FAT3: variants seen among roughly 807,000 people sequenced by gnomAD.
FAT3 encodes FAT atypical cadherin 3.
A neutral mutation model predicts 310.2 loss-of-function variants in FAT3; 95 were observed. That is an observed-to-expected ratio of 0.31 (90% CI 0.26 to 0.36). The LOEUF is 0.36. Among genes scored for constraint, FAT3 ranks in the 10% least tolerant of loss-of-function variants. FAT3 has a pLI of 1.00. For synonymous variants in FAT3, 2,314 were observed against 2,192.9 expected, an observed-to-expected ratio of 1.06 and a Z score of -1.54; for missense variants, 5,408 against 5,715.6, an observed-to-expected ratio of 0.95 and a Z score of 1.74.
intron 3 of FAT3, among the ~76,000 whole-genome samples, chr11:92,622,177 G>A (rs1015241635): frequency 2.6e-5 from 4 of 151,866 alleles, no homozygotes; most frequent in East Asian, 3.9e-4. Flanking sequence ...CCAGCTAGTC[G>A]GGAGACTGAG....
intron 1 of FAT3, among the ~76,000 whole-genome samples, chr11:92,340,399 C>T (rs547543496): frequency 5.9e-5 from 9 of 152,292 alleles, no homozygotes; most frequent in Non-Finnish European, 1.2e-4. Context: ...GTTGTTCTCT[C>T]ATTCACCTCA....
At chr11:92,584,037 A>G (rs1490349453) in intron 3 of FAT3, among the ~76,000 whole-genome samples, 1 of 152,018 alleles carries the variant, frequency 6.6e-6, no homozygotes, top group Non-Finnish European at 1.5e-5. Flanking sequence ...ACCTCAGGCA[A>G]GTTTCATAAA....
At chr11:92,600,068 C>T (rs1483064500) in intron 3 of FAT3, among the ~76,000 whole-genome samples, 1 of 152,150 alleles carries the variant, frequency 6.6e-6, no homozygotes. Context: ...CTCTTTGCAT[C>T]CCCTCTATGA....
At chr11:92,753,394 C>G (rs1461459609) in intron 4 of FAT3, among the ~76,000 whole-genome samples, 1 of 152,128 alleles carries the variant, frequency 6.6e-6, no homozygotes, top group Non-Finnish European at 1.5e-5. Context: ...TATTTTAAGT[C>G]ACATAATTTT....
chr11:92,353,065 G>A lies in FAT3; in HGVS notation c.953G>A (p.Gly318Glu), dbSNP rs1241267664. 6.2e-7 allele frequency: 1 copy of A among 1,613,704 alleles called. No homozygotes were observed. The highest frequency in any genetic ancestry group is 1.7e-5 in the Admixed American group (1 of 59,910). Residue 318 changes from glycine (G) to glutamate (E), a missense_variant, in exon 2 of 28, where the codon GGA becomes GAA. Around this residue, in one of 5 missense-constraint regions of FAT3, gnomAD observed 4,588 missense variants for 4,809.8 expected, o/e 0.95. Transcript: ENST00000525166. Reference protein sequence around the residue: ...PLDQFFLAKEGKWLNEYKIKE... With the variant: ...PLDQFFLAKEEKWLNEYKIKE... ...GATCAGTTCTTCCTGGCTAAGGAAGGAAAGTGGTTGAATGAGTACAAGATT... is the reference window on the plus strand; with the variant it reads ...GATCAGTTCTTCCTGGCTAAGGAAGAAAAGTGGTTGAATGAGTACAAGATT...
At chr11:92,671,663 AT>A (rs1436338470) in intron 3 of FAT3, among the ~76,000 whole-genome samples, 1 of 152,096 alleles carries the variant, frequency 6.6e-6, no homozygotes, top group South Asian at 2.1e-4. Context: ...TTGTGCACTT[AT>A]TTGTTTAACA....
intron 1 of FAT3, among the ~76,000 whole-genome samples, chr11:92,267,760 T>C (rs1467346892): frequency 1.1e-4 from 16 of 152,170 alleles, no homozygotes. Context: ...TTGCTTATCA[T>C]TATTTATTTG....
intron 16 of FAT3, among the ~76,000 whole-genome samples, chr11:92,837,341 G>T (rs555565790): frequency 5.7e-4 from 87 of 152,266 alleles, no homozygotes; most frequent in African/African-American, 2.0e-3. Context: ...TACTAACCAG[G>T]GTGGTTTTGT....
chr11:92,347,152 A>G (rs890629911), intron 1 of FAT3, among the ~76,000 whole-genome samples: 4 of 152,180 alleles, frequency 2.6e-5, no homozygotes, highest in African/African-American at 7.2e-5. Flanking sequence ...ATAGGATTCA[A>G]ATGCAGGCAG....
At chr11:92,824,170 A>G (rs1156383413) in intron 13 of FAT3, among the ~76,000 whole-genome samples, 3 of 152,128 alleles carry the variant, frequency 2.0e-5, no homozygotes, top group Admixed American at 6.6e-5. Flanking sequence ...CAGCCTGGCC[A>G]ACATAGTGAA....
intron 2 of FAT3, among the ~76,000 whole-genome samples, chr11:92,395,285 C>A (rs1348330336): frequency 6.6e-6 from 1 of 152,148 alleles, no homozygotes; most frequent in African/African-American, 2.4e-5. Flanking sequence ...ACTTAAGAGT[C>A]TCACCTATCA....
At chr11:92,421,827 G>T (rs949202884) in intron 2 of FAT3, among the ~76,000 whole-genome samples, 1 of 152,190 alleles carries the variant, frequency 6.6e-6, no homozygotes. Context: ...TCAGCCCCAG[G>T]TAGAGGAACA....
chr11:92,443,863 A>G (rs1304490350), intron 2 of FAT3, among the ~76,000 whole-genome samples: 1 of 152,168 alleles, frequency 6.6e-6, no homozygotes, highest in Non-Finnish European at 1.5e-5. Context: ...GGAGATCATA[A>G]TGATGCCTTA....
At chr11:92,368,833 CAT>C (rs778237959) in intron 2 of FAT3, among the ~76,000 whole-genome samples, 24 of 140,818 alleles carry the variant, frequency 1.7e-4, no homozygotes, top group South Asian at 1.1e-3. Context: ...TGTGTGTATA[CAT>C]ATATATATAT....
intron 4 of FAT3, among the ~76,000 whole-genome samples, chr11:92,706,169 C>G (rs762426109): frequency 6.6e-6 from 1 of 151,964 alleles, no homozygotes; most frequent in Non-Finnish European, 1.5e-5. Flanking sequence ...TTTTACAGAA[C>G]TGTCCAGGTT....
At chr11:92,368,748 G>C (rs1381324247) in intron 2 of FAT3, among the ~76,000 whole-genome samples, 1 of 151,784 alleles carries the variant, frequency 6.6e-6, no homozygotes, top group African/African-American at 2.4e-5. Flanking sequence ...AAAATGCTGG[G>C]TGTCTCAGTG....
chr11:92,354,180 C>A lies in FAT3; in HGVS notation c.2068C>A (p.Gln690Lys), dbSNP rs1164338652. ...SFSCRETRVAQKLAEKLLIKA... is the reference protein window; with the variant it reads ...SFSCRETRVAKKLAEKLLIKA... ...CAGTTGCAGAGAAACTCGTGTGGCT[C>A]AAAAGCTGGCAGAGAAACTACTCAT... The change falls in exon 2 of 28, where the codon CAA (glutamine) becomes AAA (lysine). Residue 690 changes from glutamine to lysine, a missense_variant. This residue lies in a region of FAT3 where 4,588 missense variants were observed against 4,809.8 expected (regional missense o/e 0.95). Transcript: ENST00000525166. The A allele has an allele frequency of 1.9e-6, 3 of 1,613,824 alleles. No individual in the cohort carries two copies. Among genetic ancestry groups the A allele is most frequent in the Non-Finnish European group, 2.5e-6 (3 of 1,179,858 alleles).
chr11:92,596,484 T>C (rs1939712072), intron 3 of FAT3, among the ~76,000 whole-genome samples: 1 of 152,110 alleles, frequency 6.6e-6, no homozygotes, highest in Non-Finnish European at 1.5e-5. Context: ...GATACAGTGC[T>C]CCAGGCCACC....
At chr11:92,779,683 G>C (rs1946689059) in intron 7 of FAT3, among the ~76,000 whole-genome samples, 1 of 152,164 alleles carries the variant, frequency 6.6e-6, no homozygotes. Flanking sequence ...CTTTGGATTT[G>C]TGAATATGTT....
Sources: allele counts gnomAD v4.1 joint callset (sites outside exome capture counted in the v4.1 genomes callset), GRCh38; gene constraint gnomAD v4.1.1; regional missense constraint gnomAD v4.1.1; transcripts MANE v1.5; gene names NCBI Gene and HGNC (gene_info 2026-07-23, HGNC 2026-07-21).